FAT4: variants seen among roughly 807,000 people sequenced by gnomAD.
FAT4 encodes the protein FAT atypical cadherin 4.
FAT4 carries 84 observed loss-of-function variants against 303.9 expected under a neutral mutation model. The observed-to-expected ratio is 0.28, with a 90% CI of 0.23 to 0.33. The LOEUF (loss-of-function observed/expected upper bound fraction) is 0.33. Ranked by LOEUF, FAT4 falls within the 10% of genes least tolerant of loss-of-function variation. The pLI, the probability that FAT4 is intolerant of heterozygous loss-of-function variation, is 1.00. For missense variants in FAT4, 6,005 were observed against 6,146.8 expected (o/e 0.98, Z 0.77); for synonymous variants, 2,307 against 2,298.8 (o/e 1.00, Z -0.10).
intron 2 of FAT4, among the ~76,000 whole-genome samples, chr4:125,386,162 C>A (rs1733741219): frequency 6.6e-6 from 1 of 152,140 alleles, no homozygotes; most frequent in East Asian, 1.9e-4. Context: ...GTTTTTACAT[C>A]ATTGAATAAA....
In FAT4 at chr4:125,450,835, C is replaced by T. The variant is rs772947796; in HGVS notation, c.9825C>T (p.Val3275=). The change falls in exon 10 of 18, where the codon GTC becomes GTT. Residue 3275 remains valine (V), a synonymous_variant. Transcript: ENST00000394329. ...SYHLTVKAFN[V]PDEERCSFAT... ...ATCTTACTGTGAAAGCCTTCAATGT[C>T]CCCGATGAGGAAAGGTGTAGCTTTG... is the stretch of plus-strand genomic sequence containing the variant. 3.8e-5 allele frequency: 61 copies of T among 1,613,932 alleles called. No homozygotes were observed. The highest frequency in any genetic ancestry group is 4.9e-5 in the Non-Finnish European group (58 of 1,180,008).
intron 7 of FAT4, among the ~76,000 whole-genome samples, chr4:125,426,813 G>A (rs968652705): frequency 2.0e-5 from 3 of 151,682 alleles, no homozygotes; most frequent in African/African-American, 7.3e-5. Flanking sequence ...ACTTTGAAAT[G>A]GCAATAAACT....
intron 2 of FAT4, among the ~76,000 whole-genome samples, chr4:125,334,433 A>C (rs1005687965): frequency 9.9e-5 from 15 of 152,124 alleles, no homozygotes; most frequent in African/African-American, 3.4e-4. Flanking sequence ...TTCTTTTTTC[A>C]TGACACTGCT....
At chr4:125,391,733 T>C (rs1480897103) in intron 2 of FAT4, among the ~76,000 whole-genome samples, 2 of 152,200 alleles carry the variant, frequency 1.3e-5, no homozygotes, top group East Asian at 3.8e-4. Context: ...TTTCATAACA[T>C]AAAAATTATA....
rs1185505372 is a variant in FAT4, at chr4:125,317,284, C to A, written c.873C>A (p.Asp291Glu). The A allele has an allele frequency of 5.0e-6, 8 of 1,588,580 alleles. No individual in the cohort carries two copies. The highest frequency in any genetic ancestry group is 1.1e-5 in the South Asian group (1 of 88,138). Residue 291 changes from aspartate to glutamate, a missense_variant, in exon 2 of 18, where the codon GAC becomes GAA. Transcript: ENST00000394329. This position sits in a 1 kb window ranked among gnomAD's most constrained non-coding sequence, Gnocchi z 7.0. ...TNADIRYRLQ[D>E]EGTPFQMDPE... ...CGGACATCCGCTATCGCCTGCAGGA[C>A]GAGGGGACCCCCTTCCAAATGGACC...
intron 2 of FAT4, among the ~76,000 whole-genome samples, chr4:125,384,343 T>C (rs2126001160): frequency 6.6e-6 from 1 of 152,330 alleles, no homozygotes; most frequent in South Asian, 2.1e-4. Flanking sequence ...TTATTATCTG[T>C]TGTTTTTAAT....
At position 125,320,514 on chromosome 4, in the gene FAT4, A is replaced by G. The variant is rs901548558; in HGVS notation, c.4103A>G (p.Asn1368Ser). Reference sequence around the variant, plus strand: ...CACGGAACTTTTAGCATTAGCCCAAACACTGGGAGTATTTTTCTTGCCAAA... The same window carrying G: ...CACGGAACTTTTAGCATTAGCCCAAGCACTGGGAGTATTTTTCTTGCCAAA... ...NNHGTFSISP[N>S]TGSIFLAKKL... Residue 1368 changes from asparagine (N) to serine (S), a missense_variant, in exon 2 of 18, where the codon AAC (asparagine) becomes AGC (serine). Physicochemically the swap from Asn to Ser is conservative, Grantham distance 46. Coordinates refer to ENST00000394329, the MANE Select transcript of FAT4 (RefSeq NM_001291303.3). 1 of 1,613,936 alleles carries G rather than the reference A, an allele frequency of 6.2e-7. No individual in the cohort carries two copies. The highest frequency in any genetic ancestry group is 8.5e-7 in the Non-Finnish European group (1 of 1,179,938).
At chr4:125,387,215 A>G (rs1733788558) in intron 2 of FAT4, among the ~76,000 whole-genome samples, 1 of 152,212 alleles carries the variant, frequency 6.6e-6, no homozygotes, top group Admixed American at 6.5e-5. Flanking sequence ...GAAATAGAAT[A>G]GCATAGCTAT....
chr4:125,366,751 G>T (rs1442015079), intron 2 of FAT4, among the ~76,000 whole-genome samples: 3 of 151,924 alleles, frequency 2.0e-5, no homozygotes, highest in Admixed American at 2.0e-4. Context: ...CTGAAAGCTT[G>T]CCAGCATCTG....
At chr4:125,323,402 G>T (rs1232689501) in intron 2 of FAT4, among the ~76,000 whole-genome samples, 1 of 152,070 alleles carries the variant, frequency 6.6e-6, no homozygotes, top group Non-Finnish European at 1.5e-5. Flanking sequence ...ATTAATAGGG[G>T]ATGATTTGTT....
intron 2 of FAT4, among the ~76,000 whole-genome samples, chr4:125,378,616 A>G (rs529084863): frequency 6.6e-5 from 10 of 152,246 alleles, no homozygotes; most frequent in Admixed American, 6.5e-4. Flanking sequence ...TCTCTTAGTA[A>G]GATAATATTT....
intron 3 of FAT4, among the ~76,000 whole-genome samples, chr4:125,400,417 T>G (rs1445117071): frequency 6.6e-6 from 1 of 152,076 alleles, no homozygotes; most frequent in Non-Finnish European, 1.5e-5. Context: ...ACTGTTCTCT[T>G]GATACTGTTA....
chr4:125,426,186 C>T (rs1053738771), intron 7 of FAT4, among the ~76,000 whole-genome samples: 2 of 151,880 alleles, frequency 1.3e-5, no homozygotes, highest in East Asian at 1.9e-4. Flanking sequence ...ATTTTACATC[C>T]GAAGATAATT....
chr4:125,410,512 TA>T (rs1227612694), intron 5 of FAT4, among the ~76,000 whole-genome samples: 5 of 152,176 alleles, frequency 3.3e-5, no homozygotes, highest in Admixed American at 2.0e-4. Context: ...TAGATAAGAA[TA>T]TTTTCAAAGC....
chr4:125,376,026 T>A (rs1471941375), intron 2 of FAT4, among the ~76,000 whole-genome samples: 3 of 152,244 alleles, frequency 2.0e-5, no homozygotes, highest in Non-Finnish European at 4.4e-5. Flanking sequence ...TTTAGGAACC[T>A]GTGTCAGATC....
intron 2 of FAT4, among the ~76,000 whole-genome samples, chr4:125,363,146 A>T (rs1050100266): frequency 1.3e-5 from 2 of 152,144 alleles, no homozygotes; most frequent in Non-Finnish European, 2.9e-5. Flanking sequence ...AAGGCAAACT[A>T]TGTACATATA....
intron 15 of FAT4, 26 bp downstream of exon 15, chr4:125,479,891 TG>T: frequency 6.7e-7 from 1 of 1,485,298 alleles, no homozygotes; most frequent in Non-Finnish European, 9.1e-7. Context: ...CGTCTTCCCC[TG>T]GAAATTTTAA....
rs1295211938 is a variant in FAT4, at chr4:125,320,044, A to G, written c.3633A>G (p.Leu1211=). Reference sequence around the variant, plus strand: ...TAAATGATAATGCTCCCAAATTTTTAAAAGACTTTTACCAAGCTACAATAT... The same window carrying G: ...TAAATGATAATGCTCCCAAATTTTTGAAAGACTTTTACCAAGCTACAATAT... ...KDINDNAPKF[L]KDFYQATISE... The change falls in exon 2 of 18, where the codon TTA becomes TTG. Residue 1211 remains leucine (L), a synonymous_variant. Coordinates refer to ENST00000394329, the MANE Select transcript of FAT4 (RefSeq NM_001291303.3). 2.5e-6 allele frequency: 4 copies of G among 1,613,770 alleles called. No homozygotes were observed. The highest frequency in any genetic ancestry group is 3.4e-6 in the Non-Finnish European group (4 of 1,180,032).
At chr4:125,438,877 A>C (rs1269326499) in intron 8 of FAT4, among the ~76,000 whole-genome samples, 1 of 152,050 alleles carries the variant, frequency 6.6e-6, no homozygotes, top group Non-Finnish European at 1.5e-5. Flanking sequence ...CTCCCATTTA[A>C]ATTTTACATG....
Sources: gnomAD v4.1 joint callset for allele counts (sites outside exome capture counted in the v4.1 genomes callset) on GRCh38, gnomAD v4.1.1 for gene constraint, Gnocchi (gnomAD v3.1) non-coding constraint, MANE v1.5 for transcripts, NCBI Gene and HGNC (gene_info 2026-07-23, HGNC 2026-07-21) for gene names.